CTNNA3: variants seen among roughly 807,000 people sequenced by gnomAD.
The protein encoded by CTNNA3 is catenin alpha 3.
In CTNNA3, 76 loss-of-function variants were observed where a neutral mutation model predicts 95.7. The ratio of observed to expected loss-of-function variants is 0.79; its 90% CI spans 0.66 to 0.96. The LOEUF (loss-of-function observed/expected upper bound fraction) is 0.96. CTNNA3 is among the 40% of genes least tolerant of loss of function. The pLI is 0.00. For synonymous variants in CTNNA3, 431 were observed against 374.4 expected, an observed-to-expected ratio of 1.15 and a Z score of -1.74; for missense variants, 1,191 against 1,089.8, an observed-to-expected ratio of 1.09 and a Z score of -1.31.
intron 11 of CTNNA3, among the ~76,000 whole-genome samples, chr10:66,448,160 T>C (rs1379147978): frequency 6.6e-6 from 1 of 151,990 alleles, no homozygotes; most frequent in African/African-American, 2.4e-5. Flanking sequence ...TGGCAATCAT[T>C]AAAAAGTCAG....
intron 11 of CTNNA3, among the ~76,000 whole-genome samples, chr10:66,383,477 A>G (rs2092859747): frequency 6.6e-6 from 1 of 152,202 alleles, no homozygotes; most frequent in African/African-American, 2.4e-5. Context: ...TGATTGGTGC[A>G]CCTGAAAGTG....
At chr10:67,645,193 GCACA>G (rs113262576) in intron 2 of CTNNA3, among the ~76,000 whole-genome samples, 12 of 149,032 alleles carry the variant, frequency 8.1e-5, no homozygotes, top group Non-Finnish European at 1.0e-4. Flanking sequence ...GCACGTGCGC[GCACA>G]CACACACACA....
At chr10:67,497,051 T>G (rs1839047189) in intron 5 of CTNNA3, among the ~76,000 whole-genome samples, 1 of 152,148 alleles carries the variant, frequency 6.6e-6, no homozygotes, top group African/African-American at 2.4e-5. Flanking sequence ...TCATCTACAT[T>G]AGGTATTTCT....
At chr10:66,878,764 T>C (rs949398303) in intron 7 of CTNNA3, among the ~76,000 whole-genome samples, 1 of 152,122 alleles carries the variant, frequency 6.6e-6, no homozygotes, top group African/African-American at 2.4e-5. Context: ...GGCTTTTTCA[T>C]ACCTGTACAG....
intron 5 of CTNNA3, among the ~76,000 whole-genome samples, chr10:67,381,473 A>G (rs921274526): frequency 6.6e-6 from 1 of 152,178 alleles, no homozygotes; most frequent in Admixed American, 6.5e-5. Context: ...AAGTTTAATG[A>G]TCTATTCAGA....
At chr10:66,733,520 G>A (rs1403241182) in intron 9 of CTNNA3, among the ~76,000 whole-genome samples, 2 of 151,468 alleles carry the variant, frequency 1.3e-5, no homozygotes, top group African/African-American at 4.8e-5. Flanking sequence ...ATGTATACAC[G>A]AACACACACA....
At chr10:66,658,268 T>C (rs948355649) in intron 9 of CTNNA3, among the ~76,000 whole-genome samples, 1 of 151,278 alleles carries the variant, frequency 6.6e-6, no homozygotes, top group Non-Finnish European at 1.5e-5. Flanking sequence ...CTCTCTGCAT[T>C]CATTTCTTCA....
At chr10:66,470,612 G>A (rs1839091883) in intron 11 of CTNNA3, among the ~76,000 whole-genome samples, 1 of 151,710 alleles carries the variant, frequency 6.6e-6, no homozygotes, top group Admixed American at 6.6e-5. Flanking sequence ...AAGGAGAATG[G>A]GTAGACTAAT....
intron 5 of CTNNA3, among the ~76,000 whole-genome samples, chr10:67,516,859 T>C (rs1376019239): frequency 1.3e-5 from 2 of 152,202 alleles, no homozygotes; most frequent in African/African-American, 2.4e-5. Context: ...ACAGTATGTG[T>C]ATTTCTGTGT....
chr10:66,018,219 C>CACACACAA (rs1554830397), intron 15 of CTNNA3, among the ~76,000 whole-genome samples: 1,532 of 151,380 alleles, frequency 0.01, 18 homozygotes, highest in African/African-American at 0.036. Flanking sequence ...CACACACACA[C>CACACACAA]TATTTTATTG....
chr10:67,125,302 A>G (rs1859667941), intron 7 of CTNNA3, among the ~76,000 whole-genome samples: 1 of 152,172 alleles, frequency 6.6e-6, no homozygotes, highest in African/African-American at 2.4e-5. Flanking sequence ...GATTTCAGTG[A>G]CCTGAGTGTG....
intron 15 of CTNNA3, among the ~76,000 whole-genome samples, chr10:66,006,062 G>A (rs1374086437): frequency 2.0e-5 from 3 of 148,258 alleles, no homozygotes; most frequent in Non-Finnish European, 3.0e-5. Context: ...GCCCAGGCTG[G>A]AGAGCAGTGG....
At chr10:66,334,564 A>C (rs1434704260) in intron 12 of CTNNA3, among the ~76,000 whole-genome samples, 2 of 151,556 alleles carry the variant, frequency 1.3e-5, no homozygotes, top group African/African-American at 4.8e-5. Flanking sequence ...ATTGGCCCCC[A>C]CTCTCTTCTG....
chr10:66,474,823 A>G (rs7912114), intron 11 of CTNNA3, among the ~76,000 whole-genome samples: 9,401 of 152,030 alleles, frequency 0.062, 605 homozygotes, highest in African/African-American at 0.16. Flanking sequence ...TATACTTGTT[A>G]GTGATTTGTA....
At chr10:66,039,665 C>G (rs1589280129) in intron 15 of CTNNA3, among the ~76,000 whole-genome samples, 2 of 152,174 alleles carry the variant, frequency 1.3e-5, no homozygotes, top group African/African-American at 4.8e-5. Context: ...GCTGGGATAA[C>G]TGGCTAGCCA....
At chr10:66,511,677 G>A (rs1353664805) in intron 11 of CTNNA3, among the ~76,000 whole-genome samples, 2 of 151,688 alleles carry the variant, frequency 1.3e-5, no homozygotes, top group African/African-American at 4.8e-5. Flanking sequence ...AGTTTCCAGT[G>A]TTCCTCTTGT....
chr10:66,297,065 T>G (rs2091791196), intron 12 of CTNNA3, among the ~76,000 whole-genome samples: 1 of 152,208 alleles, frequency 6.6e-6, no homozygotes, highest in Non-Finnish European at 1.5e-5. Context: ...ATCATTTTAC[T>G]GAATTGAAAA....
At chr10:67,114,509 AT>A (rs1388156124) in intron 7 of CTNNA3, among the ~76,000 whole-genome samples, 4 of 151,980 alleles carry the variant, frequency 2.6e-5, no homozygotes, top group East Asian at 1.9e-4. Flanking sequence ...GTCTCTGTAG[AT>A]TTTTTTTATT....
At chr10:66,948,729 T>G (rs1016541179) in intron 7 of CTNNA3, among the ~76,000 whole-genome samples, 1 of 152,208 alleles carries the variant, frequency 6.6e-6, no homozygotes, top group Non-Finnish European at 1.5e-5. Context: ...ACATATTAAA[T>G]GATAACAATC....
Sources: allele counts gnomAD v4.1 joint callset (sites outside exome capture counted in the v4.1 genomes callset), GRCh38; gene constraint gnomAD v4.1.1; transcripts MANE v1.5; gene names NCBI Gene and HGNC (gene_info 2026-07-23, HGNC 2026-07-21).